Variants in PTPRD observed in about 807,000 individuals in gnomAD.
The protein encoded by PTPRD is receptor-type tyrosine-protein phosphatase delta.
Under a neutral mutation model 214.5 loss-of-function variants are expected in PTPRD, and 34 were observed. That is an observed-to-expected ratio of 0.16 (90% CI 0.12 to 0.21). PTPRD has a LOEUF of 0.21. PTPRD is among the 10% of genes least tolerant of loss of function. The pLI is 1.00. For missense variants in PTPRD, 2,545 were observed against 2,398.7 expected (o/e 1.06, Z -1.27); for synonymous variants, 1,128 against 845.7 (o/e 1.33, Z -5.79).
intron 4 of PTPRD, among the ~76,000 whole-genome samples, chr9:10,023,933 T>C (rs1002343124): frequency 3.9e-5 from 6 of 152,298 alleles, no homozygotes; most frequent in South Asian, 4.1e-4. Context: ...TTACTTCAAG[T>C]ACATATTTTT....
At chr9:9,141,713 C>G (rs2099860750) in intron 10 of PTPRD, among the ~76,000 whole-genome samples, 1 of 150,264 alleles carries the variant, frequency 6.7e-6, no homozygotes, top group Non-Finnish European at 1.5e-5. Flanking sequence ...AATATATTAT[C>G]TGGTATATAC....
chr9:8,875,876 C>T (rs2098383848), intron 11 of PTPRD, among the ~76,000 whole-genome samples: 2 of 152,108 alleles, frequency 1.3e-5, no homozygotes, highest in African/African-American at 4.8e-5. Flanking sequence ...GGAGGAAAAA[C>T]AGATCCACTT....
intron 7 of PTPRD, among the ~76,000 whole-genome samples, chr9:9,655,517 C>T (rs539849179): frequency 2.8e-4 from 42 of 151,584 alleles, no homozygotes; most frequent in African/African-American, 9.9e-4. Context: ...TGCAGTGAGC[C>T]GAAATTGCAT....
At chr9:9,876,321 G>A (rs903918487) in intron 5 of PTPRD, among the ~76,000 whole-genome samples, 1 of 152,044 alleles carries the variant, frequency 6.6e-6, no homozygotes, top group African/African-American at 2.4e-5. Flanking sequence ...CACTGAAAAG[G>A]TCTTAGGAAA....
At chr9:9,206,648 G>T (rs2099945043) in intron 9 of PTPRD, among the ~76,000 whole-genome samples, 1 of 152,196 alleles carries the variant, frequency 6.6e-6, no homozygotes, top group South Asian at 2.1e-4. Context: ...GGAAAGAGCA[G>T]ACTTGCTGAG....
chr9:9,759,711 A>G (rs879759212), intron 6 of PTPRD, among the ~76,000 whole-genome samples: 2 of 151,658 alleles, frequency 1.3e-5, no homozygotes, highest in African/African-American at 4.8e-5. Flanking sequence ...GTGCCCACCA[A>G]TACGCCCAAC....
intron 11 of PTPRD, among the ~76,000 whole-genome samples, chr9:8,794,460 G>A (rs2096344654): frequency 6.6e-6 from 1 of 151,356 alleles, no homozygotes; most frequent in South Asian, 2.1e-4. Context: ...AGACTGTCCA[G>A]TGGCACTTAT....
rs181220399 is a variant in PTPRD at position 10,076,948 on chromosome 9, G to A, written c.-544-43158C>T. 3.2e-4 allele frequency among the ~76,000 whole-genome samples: 48 copies of A among 152,218 alleles called. 1 individual carries two copies. Among genetic ancestry groups the A allele is most frequent in the Non-Finnish European group, 6.3e-4 (43 of 68,010 alleles). On this transcript the variant is annotated intron_variant, in intron 3 of 45. Coordinates refer to ENST00000381196, the MANE Select transcript of PTPRD (RefSeq NM_002839.4). Reference sequence around the variant, plus strand: ...GATTCTTTCATTGCTTAGCCATATAGCTTGGTACACACTATGTACAACCTG... The same window carrying A: ...GATTCTTTCATTGCTTAGCCATATAACTTGGTACACACTATGTACAACCTG...
intron 31 of PTPRD, among the ~76,000 whole-genome samples, chr9:8,468,416 A>G (rs2096586092): frequency 6.6e-6 from 1 of 151,968 alleles, no homozygotes; most frequent in Admixed American, 6.6e-5. Flanking sequence ...ACATTCTGGG[A>G]GTCATTCTGC....
At chr9:9,271,157 C>T (rs568782223) in intron 9 of PTPRD, among the ~76,000 whole-genome samples, 1 of 151,358 alleles carries the variant, frequency 6.6e-6, no homozygotes, top group African/African-American at 2.4e-5. Flanking sequence ...AAGAAAGCCA[C>T]TCTTCAAAGA....
intron 2 of PTPRD, among the ~76,000 whole-genome samples, chr9:10,435,373 C>T (rs1376214277): frequency 2.6e-5 from 4 of 151,822 alleles, no homozygotes; most frequent in Non-Finnish European, 4.4e-5. Flanking sequence ...ATTTAGCCCT[C>T]GTTTTCACAA....
At position 10,047,337 on chromosome 9, in the gene PTPRD, T is replaced by C. The variant is rs1509704; in HGVS notation, c.-544-13547A>G. Among the ~76,000 whole-genome samples the C allele has an allele frequency of 7.7e-3, 1,117 of 144,276 alleles. 13 individuals are homozygous for C. The highest frequency in any genetic ancestry group is 0.025 in the African/African-American group (982 of 39,584). 94.7% of individuals were successfully genotyped at this position (144,276 alleles called of 152,430 possible). On this transcript the variant is annotated intron_variant, in intron 3 of 45. Transcript: ENST00000381196. ...CTGTGTGTGTGTGTGTGTGTGTGTG[T>C]GCGTGTGTGTGTGTGCTTGTGTGAT...
At chr9:8,976,914 T>A (rs549756360) in intron 11 of PTPRD, among the ~76,000 whole-genome samples, 1 of 152,202 alleles carries the variant, frequency 6.6e-6, no homozygotes, top group Non-Finnish European at 1.5e-5. Context: ...TCTCTAACCC[T>A]GACTTTTCTT....
intron 3 of PTPRD, among the ~76,000 whole-genome samples, chr9:10,210,824 T>TATATATAC (rs1452673818): frequency 2.8e-5 from 2 of 70,972 alleles, no homozygotes; most frequent in Non-Finnish European, 5.0e-5. Flanking sequence ...TATATATATG[T>TATATATAC]ATGTATGTAT....
chr9:10,255,536 T>G (rs1480591110), intron 3 of PTPRD, among the ~76,000 whole-genome samples: 1 of 152,126 alleles, frequency 6.6e-6, no homozygotes, highest in East Asian at 1.9e-4. Flanking sequence ...AGGTGAGAGG[T>G]GCGCGAATAT....
chr9:9,764,354 C>A (rs939708030), intron 6 of PTPRD, among the ~76,000 whole-genome samples: 9 of 151,986 alleles, frequency 5.9e-5, no homozygotes, highest in Admixed American at 4.6e-4. Flanking sequence ...AACATGAAGA[C>A]CCCTTATGTA....
chr9:8,660,244 A>C (rs947916064), intron 12 of PTPRD, among the ~76,000 whole-genome samples: 1 of 151,442 alleles, frequency 6.6e-6, no homozygotes, highest in Non-Finnish European at 1.5e-5. Context: ...CAATAATCTA[A>C]GCTAAGCAAT....
chr9:8,713,603 G>A lies in PTPRD; in HGVS notation c.64+20177C>T, dbSNP rs141818969. The A allele has an allele frequency of 5.1e-5, 78 of 1,529,178 alleles. No individual in the cohort carries two copies. The East Asian group carries it at 1.7e-3, about 33-fold the overall frequency. 94.7% of individuals were successfully genotyped at this position (1,529,178 alleles called of 1,614,324 possible). A position where few individuals can be genotyped will look rare whatever the true frequency, so the allele number is the denominator to read the frequency against. On this transcript the variant is annotated intron_variant, in intron 12 of 45. Transcript: ENST00000381196. ...ACCCACAACATGTACCGGGAATACC[G>A]GGACCTGACCACCGCGGGCGCTGTC...
chr9:9,434,328 C>T (rs1036778713), intron 8 of PTPRD, among the ~76,000 whole-genome samples: 1 of 152,066 alleles, frequency 6.6e-6, no homozygotes, highest in Non-Finnish European at 1.5e-5. Context: ...TATCTCTACA[C>T]TGAAAACTAT....
Sources: gnomAD v4.1 joint callset for allele counts (sites outside exome capture counted in the v4.1 genomes callset) on GRCh38, gnomAD v4.1.1 for gene constraint, MANE v1.5 for transcripts, NCBI Gene and HGNC (gene_info 2026-07-23, HGNC 2026-07-21) for gene names.